The following PRORP variants were observed in gnomAD, a reference collection of about 807,000 sequenced individuals.
PRORP encodes protein only RNase P catalytic subunit.
PRORP carries 51 observed loss-of-function variants against 59.4 expected under a neutral mutation model. That is an observed-to-expected ratio of 0.86 (90% confidence interval 0.69 to 1.08). PRORP has a LOEUF of 1.08. PRORP is among the 50% of genes least tolerant of loss of function. The pLI, the probability that PRORP is intolerant of heterozygous loss-of-function variation, is 0.00. For synonymous variants in PRORP, 231 were observed against 245.6 expected (o/e 0.94, Z 0.55); for missense variants, 646 against 690.3 (o/e 0.94, Z 0.72).
chr14:35,173,419 T>G (rs189150763), intron 4 of PRORP, among the ~76,000 whole-genome samples: 14 of 152,324 alleles, frequency 9.2e-5, no homozygotes, highest in African/African-American at 2.9e-4. Flanking sequence ...TGCTTAGGTC[T>G]TTCAAGTCTT....
intron 5 of PRORP, among the ~76,000 whole-genome samples, chr14:35,205,125 T>C (rs897865791): frequency 6.6e-6 from 1 of 152,176 alleles, no homozygotes; most frequent in Non-Finnish European, 1.5e-5. Context: ...TTTCTCTCTT[T>C]ATGGGCTTTG....
chr14:35,160,261 G>A (rs1171943677), intron 4 of PRORP, among the ~76,000 whole-genome samples: 1 of 152,116 alleles, frequency 6.6e-6, no homozygotes, highest in African/African-American at 2.4e-5. Flanking sequence ...TTTACTGTTG[G>A]ACTCTTTCAC....
intron 7 of PRORP, 135 bp downstream of exon 7, chr14:35,270,731 A>G (rs2051165205): frequency 2.5e-6 from 2 of 803,736 alleles, no homozygotes; most frequent in African/African-American, 1.7e-5. Context: ...AGTATTTGGA[A>G]CTAGCCAGGT....
chr14:35,168,190 A>T (rs2048231814), intron 4 of PRORP, among the ~76,000 whole-genome samples: 4 of 152,192 alleles, frequency 2.6e-5, no homozygotes, highest in Admixed American at 2.6e-4. Context: ...GAAACTGCTG[A>T]ATTATTTTCC....
chr14:35,148,765 C>T (rs1445924958), intron 4 of PRORP, among the ~76,000 whole-genome samples: 2 of 152,190 alleles, frequency 1.3e-5, no homozygotes, highest in African/African-American at 2.4e-5. Context: ...TAGCCACCTT[C>T]ATCAGTGATC....
intron 4 of PRORP, among the ~76,000 whole-genome samples, chr14:35,176,018 T>G (rs966633044): frequency 1.3e-5 from 2 of 152,190 alleles, no homozygotes; most frequent in African/African-American, 4.8e-5. Flanking sequence ...CATTGCTTGT[T>G]TTTGTCAGGT....
intron 5 of PRORP, among the ~76,000 whole-genome samples, chr14:35,188,635 A>G (rs911870430): frequency 4.6e-5 from 7 of 151,802 alleles, no homozygotes; most frequent in East Asian, 1.9e-4. Flanking sequence ...ATGAAGTCCA[A>G]TTTATTTTTT....
At chr14:35,176,480 G>A (rs2048453278) in intron 4 of PRORP, among the ~76,000 whole-genome samples, 2 of 152,086 alleles carry the variant, frequency 1.3e-5, no homozygotes, top group African/African-American at 2.4e-5. Flanking sequence ...TGGATTCCTA[G>A]GTATTTTATT....
chr14:35,239,283 G>C (rs2050299511), intron 5 of PRORP, among the ~76,000 whole-genome samples: 1 of 151,540 alleles, frequency 6.6e-6, no homozygotes, highest in African/African-American at 2.4e-5. Context: ...CAGAGGCGGA[G>C]GTTGCAATGA....
intron 4 of PRORP, among the ~76,000 whole-genome samples, chr14:35,133,471 C>A (rs1235037481): frequency 6.6e-6 from 1 of 152,174 alleles, no homozygotes; most frequent in African/African-American, 2.4e-5. Context: ...AATTCTCTGT[C>A]TGAAAGGTCA....
At chr14:35,130,029 TC>T (rs1424211110) in intron 4 of PRORP, among the ~76,000 whole-genome samples, 18 of 146,630 alleles carry the variant, frequency 1.2e-4, no homozygotes, top group African/African-American at 2.6e-4. Flanking sequence ...GTTTAGACTT[TC>T]TTTTTTTTTT....
intron 5 of PRORP, among the ~76,000 whole-genome samples, chr14:35,255,138 GT>G (rs1254096545): frequency 6.6e-6 from 1 of 151,816 alleles, no homozygotes; most frequent in Non-Finnish European, 1.5e-5. Flanking sequence ...TTGTTTTTTT[GT>G]TTTTTTGAGA....
intron 4 of PRORP, among the ~76,000 whole-genome samples, chr14:35,153,063 T>G (rs1028563228): frequency 1.3e-5 from 2 of 152,176 alleles, no homozygotes; most frequent in African/African-American, 2.4e-5. Flanking sequence ...AGGTTGTAGC[T>G]AGCCGAGATC....
chr14:35,200,480 G>C (rs545579223), intron 5 of PRORP, among the ~76,000 whole-genome samples: 1 of 152,034 alleles, frequency 6.6e-6, no homozygotes, highest in Non-Finnish European at 1.5e-5. Context: ...GTGAGCCACC[G>C]CGCCCGGCCT....
Position 35,123,947 on chromosome 14 carries a change from G to A in PRORP, c.702G>A (p.Glu234=), listed in dbSNP as rs763413874. 3 of 1,614,054 alleles carry A rather than the reference G, an allele frequency of 1.9e-6. No individual in the cohort carries two copies. In the Admixed American group the frequency reaches 5.0e-5, roughly 27 times the overall value. The change falls in exon 2 of 8, where the codon GAG becomes GAA. Residue 234 remains glutamate (E), a synonymous_variant. Transcript: ENST00000534898. ...DRWREALLLL[E]DIKKVITPSK... is the part of the protein sequence containing the mutation. The stretch of plus-strand genomic sequence containing the variant: ...GGAGAGAAGCATTGTTGCTGTTAGA[G>A]GACATCAAAAAAGTTATAACTCCTT...
At chr14:35,156,842 C>T (rs755311196) in intron 4 of PRORP, among the ~76,000 whole-genome samples, 24 of 152,130 alleles carry the variant, frequency 1.6e-4, no homozygotes, top group African/African-American at 2.4e-5. Context: ...AGAGTAGATG[C>T]TTAGGAATCA....
chr14:35,242,141 A>G (rs1156273444), intron 5 of PRORP, among the ~76,000 whole-genome samples: 2 of 152,196 alleles, frequency 1.3e-5, no homozygotes, highest in Admixed American at 1.3e-4. Flanking sequence ...TCTTCCTACT[A>G]TGGAATGAAT....
chr14:35,211,306 T>G (rs767455323), intron 5 of PRORP, among the ~76,000 whole-genome samples: 1 of 152,232 alleles, frequency 6.6e-6, no homozygotes, highest in Non-Finnish European at 1.5e-5. Context: ...TTTTGTTTAC[T>G]GACAGCTTCC....
At chr14:35,182,641 C>G (rs1239957134) in intron 5 of PRORP, among the ~76,000 whole-genome samples, 3 of 151,626 alleles carry the variant, frequency 2.0e-5, no homozygotes, top group African/African-American at 7.3e-5. Context: ...TGAGACTCCT[C>G]GAAAACAAAA....
Sources: allele counts gnomAD v4.1 joint callset (sites outside exome capture counted in the v4.1 genomes callset), GRCh38; gene constraint gnomAD v4.1.1; transcripts MANE v1.5; gene names NCBI Gene and HGNC (gene_info 2026-07-23, HGNC 2026-07-21).